TDRD7: variants seen among roughly 807,000 people sequenced by gnomAD.
TDRD7 encodes the protein tudor domain containing 7.
In TDRD7, 47 loss-of-function variants were observed where a neutral mutation model predicts 109.8. The ratio of observed to expected loss-of-function variants is 0.43; its 90% CI spans 0.34 to 0.55. The LOEUF is 0.55. Among genes scored for constraint, TDRD7 ranks in the 20% least tolerant of loss-of-function variants. The pLI is 0.03. For synonymous variants in TDRD7, 424 were observed against 457.3 expected, an observed-to-expected ratio of 0.93 and a Z score of 0.93; for missense variants, 1,164 against 1,319.2, an observed-to-expected ratio of 0.88 and a Z score of 1.82.
chr9:97,418,632 G>A (rs898446347), intron 1 of TDRD7, among the ~76,000 whole-genome samples: 1 of 152,164 alleles, frequency 6.6e-6, no homozygotes, highest in African/African-American at 2.4e-5. Flanking sequence ...ACATTTCAGG[G>A]GCAGTGGTCT....
chr9:97,434,176 T>G (rs893396078), intron 4 of TDRD7, among the ~76,000 whole-genome samples: 1 of 152,190 alleles, frequency 6.6e-6, no homozygotes, highest in Admixed American at 6.6e-5. Context: ...ATACTTACTC[T>G]TCAGCCTTTA....
At chr9:97,430,285 T>G (rs1210799056) in intron 2 of TDRD7, among the ~76,000 whole-genome samples, 4 of 152,210 alleles carry the variant, frequency 2.6e-5, no homozygotes, top group Non-Finnish European at 1.5e-5. Context: ...TTGCCCTGCC[T>G]TGCTCTCATG....
intron 4 of TDRD7, among the ~76,000 whole-genome samples, chr9:97,434,983 A>G (rs1169943490): frequency 6.6e-6 from 1 of 152,150 alleles, no homozygotes; most frequent in African/African-American, 2.4e-5. Context: ...AAGATAGATA[A>G]CAGATTAGTG....
chr9:97,478,555 G>A lies in TDRD7; in HGVS notation c.2283G>A (p.Met761Ile), dbSNP rs774824908. 4 of 1,613,870 alleles carry A rather than the reference G, an allele frequency of 2.5e-6. No homozygotes were observed. The African/African-American group carries it at 4.0e-5, about 16-fold the overall frequency. Residue 761 changes from methionine (M) to isoleucine (I), a missense_variant, in exon 13 of 17, where the codon ATG becomes ATA. By Grantham distance (10) the Met-to-Ile change is conservative. Coordinates refer to ENST00000355295, the MANE Select transcript of TDRD7 (RefSeq NM_014290.3). ...REIPPRFLQE[M>I]IAIPPQAIKC... ...TTCCACCTCGGTTTCTACAAGAAAT[G>A]ATTGCAATACCACCTCAGGTACTAT...
rs1829152441 is a variant in TDRD7 at position 97,483,200 on chromosome 9, T to C, written c.2764T>C (p.Cys922Arg). 6.2e-7 allele frequency: 1 copy of C among 1,613,404 alleles called. No individual in the cohort carries two copies. The highest frequency in any genetic ancestry group is 8.5e-7 in the Non-Finnish European group (1 of 1,179,536). ...CATGGATGTGTATGTGCCTGTGGCCTGTCACCCAGGCTACTTCGTCATCCA... is the reference window on the plus strand; with the variant it reads ...CATGGATGTGTATGTGCCTGTGGCCCGTCACCCAGGCTACTTCGTCATCCA... The part of the protein sequence containing the change: ...EHMDVYVPVA[C>R]HPGYFVIQPW... The change falls in exon 15 of 17, where the codon TGT (cysteine) becomes CGT (arginine). Residue 922 changes from cysteine (C) to arginine (R), a missense_variant. By Grantham distance (180) the Cys-to-Arg change is radical. This residue lies in a region of TDRD7 where 162 missense variants were observed against 222.5 expected (regional missense o/e 0.73). Transcript: ENST00000355295.
intron 13 of TDRD7, chr9:97,480,559 T>C: frequency 4.6e-6 from 2 of 433,438 alleles, no homozygotes; most frequent in Non-Finnish European, 8.6e-6. Context: ...CTGCAACACC[T>C]GTCATGCAGA....
At chr9:97,489,883 G>A (rs1237919588) in intron 16 of TDRD7, among the ~76,000 whole-genome samples, 1 of 152,036 alleles carries the variant, frequency 6.6e-6, no homozygotes, top group Admixed American at 6.6e-5. Flanking sequence ...ACTAATCCAT[G>A]TCTACTTTCA....
chr9:97,448,277 G>A (rs528318594), intron 6 of TDRD7, among the ~76,000 whole-genome samples: 2 of 152,286 alleles, frequency 1.3e-5, no homozygotes, highest in South Asian at 2.1e-4. Flanking sequence ...GATATGGAAC[G>A]GTGGATTGGA....
chr9:97,419,880 T>C (rs971191104), intron 1 of TDRD7, among the ~76,000 whole-genome samples: 7 of 152,178 alleles, frequency 4.6e-5, no homozygotes, highest in Admixed American at 2.0e-4. Flanking sequence ...CAGACCTGGA[T>C]TGAAATCCTA....
chr9:97,454,834 A>G (rs556374653), intron 6 of TDRD7, among the ~76,000 whole-genome samples: 13 of 152,324 alleles, frequency 8.5e-5, no homozygotes, highest in Middle Eastern at 6.8e-3. Flanking sequence ...CTAAGATCAG[A>G]GAAGAATTGA....
intron 15 of TDRD7, among the ~76,000 whole-genome samples, chr9:97,485,353 C>G (rs537383991): frequency 6.6e-6 from 1 of 152,298 alleles, no homozygotes; most frequent in East Asian, 1.9e-4. Flanking sequence ...TTTTAGTAAT[C>G]TAGTCAAAAC....
intron 14 of TDRD7, among the ~76,000 whole-genome samples, chr9:97,482,281 G>T (rs1034976821): frequency 6.6e-6 from 1 of 152,072 alleles, no homozygotes; most frequent in South Asian, 2.1e-4. Flanking sequence ...TGTAATTGGC[G>T]ATGGGGAAAG....
Position 97,441,681 on chromosome 9 carries a change from A to G in TDRD7, c.661A>G (p.Lys221Glu). 6.2e-7 allele frequency: 1 copy of G among 1,611,680 alleles called. No homozygotes were observed. Among genetic ancestry groups the G allele is most frequent in the Non-Finnish European group, 8.5e-7 (1 of 1,179,448 alleles). The stretch of plus-strand genomic sequence containing the variant: ...AGATAATTTAAATCAGACTGTTGAA[A>G]AACCCAATGTCAAGCCTCCTGCCTC... ...MSDNLNQTVE[K>E]PNVKPPASYT... Residue 221 changes from lysine to glutamate, a missense_variant, in exon 6 of 17, where the codon AAA becomes GAA. Around this residue, in one of 5 missense-constraint regions of TDRD7, gnomAD observed 407 missense variants for 394.0 expected, o/e 1.03. Transcript: ENST00000355295.
At chr9:97,430,632 T>C (rs911090448) in intron 2 of TDRD7, among the ~76,000 whole-genome samples, 1 of 152,196 alleles carries the variant, frequency 6.6e-6, no homozygotes, top group African/African-American at 2.4e-5. Context: ...GATCATAGGT[T>C]GCTTTTTGTT....
chr9:97,451,536 C>T (rs146409126), intron 6 of TDRD7, among the ~76,000 whole-genome samples: 1 of 152,244 alleles, frequency 6.6e-6, no homozygotes, highest in Non-Finnish European at 1.5e-5. Flanking sequence ...GAGTTATCCT[C>T]CTGCCCCAGG....
In TDRD7 at chr9:97,460,368, T is replaced by C; in HGVS notation, c.1046T>C (p.Leu349Pro). The change falls in exon 7 of 17, where the codon CTG (leucine) becomes CCG (proline). Residue 349 changes from leucine to proline, a missense_variant. Around this residue, in one of 5 missense-constraint regions of TDRD7, gnomAD observed 407 missense variants for 394.0 expected, o/e 1.03. Transcript: ENST00000355295. ...TTTAAAGAAAAAGTGGCAGACCTGC[T>C]GGTGAAATACACAAGTGGCCTTTGG... The part of the protein sequence containing the change: ...GDFKEKVADL[L>P]VKYTSGLWAS... 1 of 1,614,186 alleles carries C rather than the reference T, an allele frequency of 6.2e-7. No homozygotes were observed. Among genetic ancestry groups the C allele is most frequent in the Non-Finnish European group, 8.5e-7 (1 of 1,180,028 alleles).
At position 97,464,907 on chromosome 9, in the gene TDRD7, G is replaced by A. The variant is rs750118075; in HGVS notation, c.1508G>A (p.Ser503Asn). ...LMEDEMKEYY[S>N]KNPKITPVQA... ...GAAGATGAGATGAAGGAATATTACA[G>A]TAAGAATCCTAAGATCACACCAGTC... Residue 503 changes from serine (S) to asparagine (N), a missense_variant, in exon 8 of 17, where the codon AGT becomes AAT. Physicochemically the swap from Ser to Asn is conservative, Grantham distance 46. This residue lies in a region of TDRD7 where 261 missense variants were observed against 336.2 expected (regional missense o/e 0.78). Transcript: ENST00000355295. 1.2e-5 allele frequency: 20 copies of A among 1,614,092 alleles called. No individual in the cohort carries two copies. The Admixed American group carries it at 2.3e-4, about 19-fold the overall frequency.
At position 97,478,590 on chromosome 9, in the gene TDRD7, C is replaced by T; in HGVS notation, c.2301+17C>T. 1 of 1,613,658 alleles carries T rather than the reference C, an allele frequency of 6.2e-7. No individual in the cohort carries two copies. Among genetic ancestry groups the T allele is most frequent in the Non-Finnish European group, 8.5e-7 (1 of 1,179,708 alleles). On this transcript the variant is annotated intron_variant, in intron 13 of 16. Coordinates refer to ENST00000355295, the MANE Select transcript of TDRD7 (RefSeq NM_014290.3). ...CCACCTCAGGTACTATGTTACCAGC[C>T]TGGGAGATTTGCTGGAACAGATTTG...
At chr9:97,429,871 A>G (rs1229694168) in intron 2 of TDRD7, among the ~76,000 whole-genome samples, 2 of 152,218 alleles carry the variant, frequency 1.3e-5, no homozygotes, top group Admixed American at 6.5e-5. Flanking sequence ...AATGCTTTAT[A>G]GAGTTACTAT....
Sources: allele counts gnomAD v4.1 joint callset (sites outside exome capture counted in the v4.1 genomes callset), GRCh38; gene constraint gnomAD v4.1.1; regional missense constraint gnomAD v4.1.1; transcripts MANE v1.5; gene names NCBI Gene and HGNC (gene_info 2026-07-23, HGNC 2026-07-21).